SPINK5: variants seen among roughly 807,000 people sequenced by gnomAD.
SPINK5 encodes the protein serine protease inhibitor Kazal-type 5.
SPINK5 carries 125 observed loss-of-function variants against 151.8 expected under a neutral mutation model. The ratio of observed to expected loss-of-function variants is 0.82; its 90% CI spans 0.71 to 0.96. SPINK5 has a LOEUF of 0.96. Ranked by LOEUF, SPINK5 falls within the 40% of genes least tolerant of loss-of-function variation. SPINK5 has a pLI of 0.00. For synonymous variants in SPINK5, 374 were observed against 395.3 expected (o/e 0.95, Z 0.64); for missense variants, 1,194 against 1,291.9 (o/e 0.92, Z 1.16).
At chr5:148,073,566 C>T (rs1229283386) in intron 4 of SPINK5, among the ~76,000 whole-genome samples, 1 of 151,674 alleles carries the variant, frequency 6.6e-6, no homozygotes, top group Non-Finnish European at 1.5e-5. Flanking sequence ...TCCTCTTCCT[C>T]CTCTGTCTTC....
chr5:148,120,250 G>A (rs553105902), intron 25 of SPINK5, 45 bp from the exon 26 acceptor site: 43 of 1,606,158 alleles, frequency 2.7e-5, no homozygotes, highest in Non-Finnish European at 3.5e-5. Context: ...AATTAATGAG[G>A]CGTTTGTTCA....
At chr5:148,104,423 T>C (rs1753726352) in intron 15 of SPINK5, among the ~76,000 whole-genome samples, 1 of 152,214 alleles carries the variant, frequency 6.6e-6, no homozygotes, top group African/African-American at 2.4e-5. Flanking sequence ...TAAACAGGTT[T>C]ACTCCCTAAT....
chr5:148,128,577 G>A (rs1034462371), intron 30 of SPINK5, among the ~76,000 whole-genome samples: 1 of 151,910 alleles, frequency 6.6e-6, no homozygotes, highest in Admixed American at 6.6e-5. Context: ...CGCCCAGGCC[G>A]GAGTGCAGTG....
chr5:148,072,374 T>C (rs1752762915), intron 4 of SPINK5, among the ~76,000 whole-genome samples, 154 bp downstream of exon 4: 1 of 152,020 alleles, frequency 6.6e-6, no homozygotes, highest in South Asian at 2.1e-4. Context: ...GTGGGCTAAA[T>C]ATCTGGTACA....
chr5:148,098,019 A>G, intron 11 of SPINK5, 25 bp downstream of exon 11: 1 of 1,606,330 alleles, frequency 6.2e-7, no homozygotes. Context: ...TTAGAATGTC[A>G]AAGAAAGAAG....
intron 17 of SPINK5, 43 bp from the exon 18 acceptor site, chr5:148,108,710 G>C (rs1382508557): frequency 6.2e-7 from 1 of 1,600,120 alleles, no homozygotes; most frequent in Non-Finnish European, 8.5e-7. Flanking sequence ...ACCAAAAAGA[G>C]TAGGGAATCA....
intron 28 of SPINK5, chr5:148,125,461 G>A (rs889278428): frequency 1.4e-6 from 2 of 1,452,826 alleles, no homozygotes; most frequent in Admixed American, 3.8e-5. Context: ...AAGGATGGAT[G>A]AACGGGAGAA....
chr5:148,115,890 C>T (rs1237760345), intron 21 of SPINK5, among the ~76,000 whole-genome samples: 1 of 149,942 alleles, frequency 6.7e-6, no homozygotes, highest in African/African-American at 2.5e-5. Flanking sequence ...GGTGTGATCT[C>T]AGCTCACTGT....
chr5:148,106,722 C>T lies in SPINK5; in HGVS notation c.1480-315C>T, dbSNP rs112385899. ...ACAAATCACAGGTAAGCAATATTCT[C>T]ATTTCCTCCAGGAAGGCTTCTCATC... On this transcript the variant is annotated intron_variant, in intron 16 of 32. Coordinates refer to ENST00000256084, the MANE Select transcript of SPINK5 (RefSeq NM_006846.4). Among the ~76,000 whole-genome samples, 4,166 of 152,194 alleles carry T rather than the reference C, an allele frequency of 0.027. 92 individuals carry two copies. Among genetic ancestry groups the T allele is most frequent in the Non-Finnish European group, 0.042 (2,836 of 68,000 alleles).
At chr5:148,095,965 TGA>T (rs1313329640) in intron 10 of SPINK5, 60 bp downstream of exon 10, 5 of 1,300,756 alleles carry the variant, frequency 3.8e-6, no homozygotes, top group Non-Finnish European at 3.3e-6. Context: ...GGTGCGTGTG[TGA>T]GAGAGTGCAT....
chr5:148,118,486 G>A lies in SPINK5; in HGVS notation c.2162G>A (p.Cys721Tyr), dbSNP rs751402960. The change falls in exon 23 of 33, where the codon TGT becomes TAT. Residue 721 changes from cysteine (C) to tyrosine (Y), a missense_variant. By Grantham distance (194) the Cys-to-Tyr change is radical. Coordinates refer to ENST00000256084, the MANE Select transcript of SPINK5 (RefSeq NM_006846.4). ...REQMKNGRLSCTRESDPVRDA... is the reference protein window; with the variant it reads ...REQMKNGRLSYTRESDPVRDA... ...CAAATGAAAAATGGAAGACTCAGCT[G>A]TACTCGGGAGAGTGATCCTGTACGT... 6.8e-6 allele frequency: 11 copies of A among 1,614,004 alleles called. No individual in the cohort carries two copies. The highest frequency in any genetic ancestry group is 1.1e-5 in the South Asian group (1 of 91,084).
In SPINK5 at chr5:148,120,348, C is replaced by T; in HGVS notation, c.2495C>T (p.Thr832Ile). Reference sequence around the variant, plus strand: ...AAAGAGGATGAAGACAGGAGCAATACAGGAGAAAGGAGCAATACAGGAGAA... The same window carrying T: ...AAAGAGGATGAAGACAGGAGCAATATAGGAGAAAGGAGCAATACAGGAGAA... The part of the protein sequence containing the change: ...KKKEDEDRSN[T>I]GERSNTGERS... The change falls in exon 26 of 33, where the codon ACA becomes ATA. Residue 832 changes from threonine (T) to isoleucine (I), a missense_variant. Transcript: ENST00000256084. 6.2e-7 allele frequency: 1 copy of T among 1,601,054 alleles called. No individual in the cohort carries two copies. The highest frequency in any genetic ancestry group is 8.5e-7 in the Non-Finnish European group (1 of 1,172,190).
At chr5:148,106,853 AT>A (rs1188454198) in intron 16 of SPINK5, among the ~76,000 whole-genome samples, 183 bp from the exon 17 acceptor site, 1 of 152,130 alleles carries the variant, frequency 6.6e-6, no homozygotes, top group Admixed American at 6.6e-5. Context: ...ATATTTTCAG[AT>A]CTGCTATAAT....
intron 4 of SPINK5, among the ~76,000 whole-genome samples, chr5:148,076,035 G>A (rs1752871106): frequency 6.6e-6 from 1 of 150,742 alleles, no homozygotes. Context: ...AGGGTCAAGA[G>A]ATTCGCAAAC....
rs747366447 is a variant in SPINK5, at chr5:148,111,879, A to C, written c.1804A>C (p.Met602Leu). Reference sequence around the variant, plus strand: ...GAAAATCCACGGCAACACCTGCTCCATGTGTGAAGCCTTCTTGTGAGTGGG... The same window carrying C: ...GAAAATCCACGGCAACACCTGCTCCCTGTGTGAAGCCTTCTTGTGAGTGGG... Reference protein sequence around the residue: ...DGKIHGNTCSMCEAFFQQEAK... With the variant: ...DGKIHGNTCSLCEAFFQQEAK... The change falls in exon 19 of 33, where the codon ATG becomes CTG. Residue 602 changes from methionine to leucine, a missense_variant. Met to Leu is a conservative substitution (Grantham distance 15). Coordinates refer to ENST00000256084, the MANE Select transcript of SPINK5 (RefSeq NM_006846.4). 13 of 1,613,886 alleles carry C rather than the reference A, an allele frequency of 8.1e-6. No individual in the cohort carries two copies. Among genetic ancestry groups the C allele is most frequent in the Non-Finnish European group, 6.8e-6 (8 of 1,179,908 alleles).
intron 22 of SPINK5, 26 bp downstream of exon 22, chr5:148,116,492 A>C (rs1281245877): frequency 6.2e-7 from 1 of 1,610,738 alleles, no homozygotes; most frequent in East Asian, 2.2e-5. Flanking sequence ...AATTTCAGTA[A>C]CTGGGGCGGG....
At chr5:148,099,366 AT>A (rs1753571428) in intron 12 of SPINK5, 51 bp downstream of exon 12, 2 of 1,532,516 alleles carry the variant, frequency 1.3e-6, no homozygotes, top group African/African-American at 2.7e-5. Flanking sequence ...ATTTGAACAA[AT>A]TTTAAGAGCC....
At chr5:148,134,637 T>C (rs1000017323) in intron 32 of SPINK5, among the ~76,000 whole-genome samples, 1 of 152,112 alleles carries the variant, frequency 6.6e-6, no homozygotes, top group African/African-American at 2.4e-5. Context: ...TCACTATTAT[T>C]ATTATGCCTA....
At chr5:148,111,712 G>T (rs1262578326) in intron 18 of SPINK5, 56 bp from the exon 19 acceptor site, 3 of 1,612,734 alleles carry the variant, frequency 1.9e-6, no homozygotes, top group African/African-American at 1.3e-5. Flanking sequence ...TGTGGAGGAA[G>T]ATTTCTAGTG....
Sources: allele counts gnomAD v4.1 joint callset (sites outside exome capture counted in the v4.1 genomes callset), GRCh38; gene constraint gnomAD v4.1.1; transcripts MANE v1.5; gene names NCBI Gene and HGNC (gene_info 2026-07-23, HGNC 2026-07-21).